Variants in DUSP6 observed in about 807,000 individuals in gnomAD.
The protein encoded by DUSP6 is dual specificity protein phosphatase 6.
DUSP6 carries 6 observed loss-of-function variants against 28.0 expected under a neutral mutation model. That is an observed-to-expected ratio of 0.21 (90% CI 0.12 to 0.42). The LOEUF (loss-of-function observed/expected upper bound fraction) is 0.42, where lower values mean the gene tolerates loss of function less well. DUSP6 is among the 10% of genes least tolerant of loss of function. The pLI is 1.00. For missense variants in DUSP6, 451 were observed against 498.1 expected, an observed-to-expected ratio of 0.91 and a Z score of 0.90; for synonymous variants, 252 against 217.5, an observed-to-expected ratio of 1.16 and a Z score of -1.40.
rs1436793315 is a variant in DUSP6, at chr12:89,347,719, G to C, written c.*1535C>G. The stretch of plus-strand genomic sequence containing the variant: ...GAGGTTAACATGTGGCTGTCATCTT[G>C]GTATTCTGCTACACCTCTCTGTGGT... On this transcript the variant is annotated 3_prime_UTR_variant, in exon 3 of 3. Coordinates refer to ENST00000279488, the MANE Select transcript of DUSP6 (RefSeq NM_001946.4). 6.6e-6 allele frequency: 1 copy of C among 152,072 alleles called. No individual in the cohort carries two copies. Among genetic ancestry groups the C allele is most frequent in the Admixed American group, 6.5e-5 (1 of 15,276 alleles). The allele number at this position is 152,072 out of a possible 1,614,324, so 9.4% of individuals were successfully genotyped here. A position where few individuals can be genotyped will look rare whatever the true frequency, so the allele number is the denominator to read the frequency against.
chr12:89,349,046 T>C lies in DUSP6; in HGVS notation c.*208A>G. On this transcript the variant is annotated 3_prime_UTR_variant, in exon 3 of 3. Coordinates refer to ENST00000279488, the MANE Select transcript of DUSP6 (RefSeq NM_001946.4). ...AGAGCAAACCTACTGCCTGTATCTA[T>C]ACAGCATGTCCTGTTATTCCAAAGA... The C allele has an allele frequency of 1.7e-6, 1 of 592,498 alleles. No individual in the cohort carries two copies. Among genetic ancestry groups the C allele is most frequent in the Non-Finnish European group, 3.0e-6 (1 of 337,822 alleles). 36.7% of individuals were successfully genotyped at this position (592,498 alleles called of 1,614,324 possible).
chr12:89,348,718 TCAAA>T lies in DUSP6; in HGVS notation c.*532_*535del, dbSNP rs1879070665. ...CATCAAAGGAAAAAACAAACACAAT[TCAAA>T]CAAACACTGTCAAGTGATTCAAGAT... On this transcript the variant is annotated 3_prime_UTR_variant, in exon 3 of 3. Transcript: ENST00000279488. 1 of 152,796 alleles carries T rather than the reference TCAAA, an allele frequency of 6.5e-6. No individual in the cohort carries two copies. Among genetic ancestry groups the T allele is most frequent in the South Asian group, 2.1e-4 (1 of 4,838 alleles). 9.5% of individuals were successfully genotyped at this position (152,796 alleles called of 1,614,324 possible).
chr12:89,349,256 AC>A lies in DUSP6; in HGVS notation c.1143del (p.Ter382GlufsTer43). On this transcript the variant is annotated frameshift_variant, in exon 3 of 3. Transcript: ENST00000279488. LOFTEE classifies it high-confidence loss of function. The part of the protein sequence containing the change: ...NVYQVDSLQS[T>X] ...AGCAAGGAGGGGTGTGGGGTCTTTCACGTAGATTGCAGAGAGTCCACCTGGT... is the reference window on the plus strand; with the variant it reads ...AGCAAGGAGGGGTGTGGGGTCTTTCAGTAGATTGCAGAGAGTCCACCTGGT... The A allele has an allele frequency of 6.2e-7, 1 of 1,606,678 alleles. No homozygotes were observed. Among genetic ancestry groups the A allele is most frequent in the Non-Finnish European group, 8.5e-7 (1 of 1,174,000 alleles).
At position 89,349,376 on chromosome 12, in the gene DUSP6, C is replaced by G. The variant is rs1879101789; in HGVS notation, c.1024G>C (p.Asp342His). 2 of 1,614,158 alleles carry G rather than the reference C, an allele frequency of 1.2e-6. No individual in the cohort carries two copies. Among genetic ancestry groups the G allele is most frequent in the Non-Finnish European group, 1.7e-6 (2 of 1,180,024 alleles). ...CTGAGTCCCAGCGTCCTCTCGAAGT[C>G]CAGCAGCTGACCCATGAAGTTGAAG... The part of the protein sequence containing the change: ...PNFNFMGQLL[D>H]FERTLGLSSP... The change falls in exon 3 of 3, where the codon GAC (aspartate) becomes CAC (histidine). Residue 342 changes from aspartate to histidine, a missense_variant. This residue lies in a region of DUSP6 where 104 missense variants were observed against 151.4 expected (regional missense o/e 0.69). Transcript: ENST00000279488.
intron 2 of DUSP6, among the ~76,000 whole-genome samples, chr12:89,350,310 G>A (rs1879137574): frequency 6.6e-6 from 1 of 152,216 alleles, no homozygotes; most frequent in African/African-American, 2.4e-5. Context: ...AGACTGGGGG[G>A]AAAAATCTGT....
rs1444620703 is a variant in DUSP6 at position 89,352,021 on chromosome 12, G to C, written c.19C>G (p.Pro7Ala). MIDTLRPVPFASEMAIS... is the reference protein window; with the variant it reads MIDTLRAVPFASEMAIS... The stretch of plus-strand genomic sequence containing the variant: ...GCCATTTCCGACGCGAAGGGCACGG[G>C]TCTGAGCGTATCTATCATGGGGGTC... Residue 7 changes from proline (P) to alanine (A), a missense_variant, in exon 1 of 3, where the codon CCC becomes GCC. Around this residue, in one of 2 missense-constraint regions of DUSP6, gnomAD observed 347 missense variants for 346.6 expected, o/e 1.00. Transcript: ENST00000279488. The C allele has an allele frequency of 6.2e-7, 1 of 1,612,492 alleles. No individual in the cohort carries two copies. Among genetic ancestry groups the C allele is most frequent in the Non-Finnish European group, 8.5e-7 (1 of 1,179,534 alleles).
In DUSP6 at chr12:89,352,455, G is replaced by A. The variant is rs141042035; in HGVS notation, c.-416C>T. On this transcript the variant is annotated 5_prime_UTR_variant, in exon 1 of 3. Coordinates refer to ENST00000279488, the MANE Select transcript of DUSP6 (RefSeq NM_001946.4). ...TTTAAGACTCGATTTGCTATCTCTTGGACTCAGCCTCGCACACCCCCTGCG... is the reference window on the plus strand; with the variant it reads ...TTTAAGACTCGATTTGCTATCTCTTAGACTCAGCCTCGCACACCCCCTGCG... The A allele has an allele frequency of 5.5e-4, 105 of 190,040 alleles. 2 individuals carry two copies. Among genetic ancestry groups the A allele is most frequent in the Middle Eastern group, 2.4e-3 (1 of 410 alleles). 11.8% of individuals were successfully genotyped at this position (190,040 alleles called of 1,614,324 possible).
At position 89,347,578 on chromosome 12, in the gene DUSP6, T is replaced by C. The variant is rs1217840144; in HGVS notation, c.*1676A>G. Reference sequence around the variant, plus strand: ...TGGATTCAGCATTCTCACACTAGGATATCTGCAGGTAGAATTGCCCATGAC... The same window carrying C: ...TGGATTCAGCATTCTCACACTAGGACATCTGCAGGTAGAATTGCCCATGAC... On this transcript the variant is annotated 3_prime_UTR_variant, in exon 3 of 3. Transcript: ENST00000279488. 1 of 152,228 alleles carries C rather than the reference T, an allele frequency of 6.6e-6. No individual in the cohort carries two copies. The highest frequency in any genetic ancestry group is 1.9e-4 in the East Asian group (1 of 5,194). The allele number at this position is 152,228 out of a possible 1,614,324, so 9.4% of individuals were successfully genotyped here. A position where few individuals can be genotyped will look rare whatever the true frequency, so the allele number is the denominator to read the frequency against.
Position 89,351,799 on chromosome 12 carries a change from C to T in DUSP6, c.241G>A (p.Glu81Lys). 1 of 1,610,600 alleles carries T rather than the reference C, an allele frequency of 6.2e-7. No individual in the cohort carries two copies. Among genetic ancestry groups the T allele is most frequent in the South Asian group, 1.1e-5 (1 of 90,778 alleles). The change falls in exon 1 of 3, where the codon GAG (glutamate) becomes AAG (lysine). Residue 81 changes from glutamate (E) to lysine (K), a missense_variant. This residue lies in a region of DUSP6 where 347 missense variants were observed against 346.6 expected (regional missense o/e 1.00). Transcript: ENST00000279488. ...LPVRALFTRGEDRDRFTRRCG... is the reference protein window; with the variant it reads ...LPVRALFTRGKDRDRFTRRCG... ...CGCCGGGTGAAGCGGTCCCGGTCCT[C>T]GCCGCGCGTGAAGAGCGCGCGCACC...
At position 89,352,099 on chromosome 12, in the gene DUSP6, G is replaced by A. The variant is rs547561739; in HGVS notation, c.-60C>T. ...CCAGACGCCCCTCGGGGCAGGCATA[G>A]GCCGAGCGCACCGCGCGCGAAGCTG... is the stretch of plus-strand genomic sequence containing the variant. On this transcript the variant is annotated 5_prime_UTR_variant, in exon 1 of 3. Coordinates refer to ENST00000279488, the MANE Select transcript of DUSP6 (RefSeq NM_001946.4). 1 of 1,546,410 alleles carries A rather than the reference G, an allele frequency of 6.5e-7. No individual in the cohort carries two copies. Among genetic ancestry groups the A allele is most frequent in the Non-Finnish European group, 8.7e-7 (1 of 1,145,898 alleles).
chr12:89,351,134 C>G, intron 1 of DUSP6, 109 bp from the exon 2 acceptor site: 1 of 1,181,684 alleles, frequency 8.5e-7, no homozygotes, highest in Non-Finnish European at 1.2e-6. Context: ...CCTACGAACC[C>G]CCTACATACA....
In DUSP6 at chr12:89,351,146, A is replaced by T. The variant is rs774573177; in HGVS notation, c.401-121T>A. ...CATCCTACGAACCCCCTACATACAG[A>T]ACCATCTATAAGAGAAACACACTTT... On this transcript the variant is annotated intron_variant, in intron 1 of 2. Coordinates refer to ENST00000279488, the MANE Select transcript of DUSP6 (RefSeq NM_001946.4). The T allele has an allele frequency of 9.0e-4, 950 of 1,057,286 alleles. 1 individual carries two copies. Among genetic ancestry groups the T allele is most frequent in the Non-Finnish European group, 1.2e-3 (883 of 748,070 alleles). The allele number at this position is 1,057,286 out of a possible 1,614,324, so 65.5% of individuals were successfully genotyped here.
chr12:89,351,563 A>G, intron 1 of DUSP6, 77 bp downstream of exon 1: 2 of 1,471,294 alleles, frequency 1.4e-6, no homozygotes, highest in East Asian at 2.5e-5. Context: ...GAGCAGAGGT[A>G]TTTTCAATCC....
rs1879230988 is a variant in DUSP6 at position 89,352,258 on chromosome 12, A to T, written c.-219T>A. ...CAGCCGCTGGCTCTTAGTGTCAATGAATCTCTCTCAATGAAGCTGCCCAGA... is the reference window on the plus strand; with the variant it reads ...CAGCCGCTGGCTCTTAGTGTCAATGTATCTCTCTCAATGAAGCTGCCCAGA... On this transcript the variant is annotated 5_prime_UTR_variant, in exon 1 of 3. Transcript: ENST00000279488. The T allele has an allele frequency of 1.6e-6, 1 of 625,742 alleles. No homozygotes were observed. Among genetic ancestry groups the T allele is most frequent in the Middle Eastern group, 4.4e-4 (1 of 2,276 alleles). The allele number at this position is 625,742 out of a possible 1,614,324, so 38.8% of individuals were successfully genotyped here. A position where few individuals can be genotyped will look rare whatever the true frequency, so the allele number is the denominator to read the frequency against.
rs1045614870 is a variant in DUSP6, at chr12:89,351,109, A to G, written c.401-84T>C. The G allele has an allele frequency of 2.4e-5, 34 of 1,417,974 alleles. No individual in the cohort carries two copies. In the African/African-American group the frequency reaches 4.4e-4, roughly 18 times the overall value. 87.8% of individuals were successfully genotyped at this position (1,417,974 alleles called of 1,614,324 possible). A position where few individuals can be genotyped will look rare whatever the true frequency, so the allele number is the denominator to read the frequency against. On this transcript the variant is annotated intron_variant, in intron 1 of 2. Transcript: ENST00000279488. ...TGTAAGAACCGCAGCCCGGCGCAAG[A>G]AACACCACAAGCATCCTACGAACCC...
chr12:89,350,516 C>G (rs1879144523), intron 2 of DUSP6, 72 bp downstream of exon 2: 1 of 1,436,748 alleles, frequency 7.0e-7, no homozygotes, highest in African/African-American at 1.4e-5. Flanking sequence ...GAACGATTAA[C>G]AGCTTAAACT....
At position 89,348,073 on chromosome 12, in the gene DUSP6, ATAGT is replaced by A. The variant is rs1205800605; in HGVS notation, c.*1177_*1180del. On this transcript the variant is annotated 3_prime_UTR_variant, in exon 3 of 3. Transcript: ENST00000279488. The stretch of plus-strand genomic sequence containing the variant: ...TAAAAACACACATTCAATAGCCAAA[ATAGT>A]TATTTATTAATAATTTAAGGTTTTA... The A allele has an allele frequency of 6.6e-6, 1 of 152,650 alleles. No individual in the cohort carries two copies. Among genetic ancestry groups the A allele is most frequent in the African/African-American group, 2.4e-5 (1 of 41,444 alleles). 9.5% of individuals were successfully genotyped at this position (152,650 alleles called of 1,614,324 possible).
In DUSP6 at chr12:89,350,690, G is replaced by C. The variant is rs763298286; in HGVS notation, c.736C>G (p.Leu246Val). ...TTAAACTCTCCTGCGTTCTCAAAGA[G>C]ATTCGGCAAATTGGGGGTGACGTTC... ...ILNVTPNLPN[L>V]FENAGEFKYK... Residue 246 changes from leucine to valine, a missense_variant, in exon 2 of 3, where the codon CTC (leucine) becomes GTC (valine). Leu to Val is a conservative substitution (Grantham distance 32). This residue lies in a region of DUSP6 where 347 missense variants were observed against 346.6 expected (regional missense o/e 1.00). Coordinates refer to ENST00000279488, the MANE Select transcript of DUSP6 (RefSeq NM_001946.4). 2 of 1,614,166 alleles carry C rather than the reference G, an allele frequency of 1.2e-6. No homozygotes were observed. Among genetic ancestry groups the C allele is most frequent in the Non-Finnish European group, 1.7e-6 (2 of 1,180,032 alleles).
rs114020022 is a variant in DUSP6 at position 89,349,860 on chromosome 12, G to A, written c.839-299C>T. On this transcript the variant is annotated intron_variant, in intron 2 of 2. Transcript: ENST00000279488. ...ATACCAGAAACCCTGCAATATGTTC[G>A]TGAATGCCTTTTACACAGACAACCA... Among the ~76,000 whole-genome samples, 3,123 of 152,260 alleles carry A rather than the reference G, an allele frequency of 0.021. 120 individuals are homozygous for A. Among genetic ancestry groups the A allele is most frequent in the African/African-American group, 0.072 (2,996 of 41,530 alleles).
Sources: gnomAD v4.1 joint callset for allele counts (sites outside exome capture counted in the v4.1 genomes callset) on GRCh38, gnomAD v4.1.1 for gene constraint, gnomAD v4.1.1 regional missense constraint, MANE v1.5 for transcripts, NCBI Gene and HGNC (gene_info 2026-07-23, HGNC 2026-07-21) for gene names.